GSE1: variants seen among roughly 807,000 people sequenced by gnomAD.
GSE1 encodes genetic suppressor element 1.
A neutral mutation model predicts 112.6 loss-of-function variants in GSE1; 32 were observed. That is an observed-to-expected ratio of 0.28 (90% CI 0.21 to 0.38). GSE1 has a LOEUF of 0.38. GSE1 is among the 10% of genes least tolerant of loss of function. The pLI, the probability that GSE1 is intolerant of heterozygous loss-of-function variation, is 1.00. For synonymous variants in GSE1, 1,115 were observed against 735.6 expected, an observed-to-expected ratio of 1.52 and a Z score of -8.35; for missense variants, 2,348 against 1,699.2, an observed-to-expected ratio of 1.38 and a Z score of -6.71.
chr16:85,235,750 G>GCTCGC (rs377153635), intron 1 of GSE1, among the ~76,000 whole-genome samples: 2,637 of 151,878 alleles, frequency 0.017, 71 homozygotes, highest in African/African-American at 0.06. Flanking sequence ...TGGGGGGCCC[G>GCTCGC]CCCGCCCCAG....
intron 1 of GSE1, among the ~76,000 whole-genome samples, chr16:85,556,783 C>G (rs1469746210): frequency 6.9e-6 from 1 of 145,216 alleles, no homozygotes; most frequent in Non-Finnish European, 1.5e-5. Context: ...GTTTATTTCC[C>G]TCTCCCTCCA....
At chr16:85,403,982 A>C (rs1222490261) in intron 2 of GSE1, among the ~76,000 whole-genome samples, 1 of 150,884 alleles carries the variant, frequency 6.6e-6, no homozygotes, top group Non-Finnish European at 1.5e-5. Context: ...TGCAGCCTTC[A>C]GGGCAGGCAT....
intron 2 of GSE1, among the ~76,000 whole-genome samples, chr16:85,458,550 G>T (rs1203621621): frequency 6.6e-6 from 1 of 152,214 alleles, no homozygotes; most frequent in African/African-American, 2.4e-5. Flanking sequence ...GGGCATGGAG[G>T]CCCAGGGGCC....
intron 1 of GSE1, among the ~76,000 whole-genome samples, chr16:85,216,869 A>T (rs1055620021): frequency 6.6e-6 from 1 of 152,218 alleles, no homozygotes; most frequent in African/African-American, 2.4e-5. Flanking sequence ...GCTTTGAGCA[A>T]TCTACAGAAC....
At chr16:85,577,003 G>A (rs1234734876) in intron 1 of GSE1, among the ~76,000 whole-genome samples, 1 of 152,184 alleles carries the variant, frequency 6.6e-6, no homozygotes, top group East Asian at 1.9e-4. Context: ...ATCACAGTCA[G>A]GACGCTGAGG....
At chr16:85,530,452 C>T (rs1232082773) in intron 2 of GSE1, among the ~76,000 whole-genome samples, 1 of 152,088 alleles carries the variant, frequency 6.6e-6, no homozygotes, top group Non-Finnish European at 1.5e-5. Context: ...GATTTGCAGC[C>T]AGCTCGACAC....
At chr16:85,370,084 G>T (rs2047263335) in intron 2 of GSE1, among the ~76,000 whole-genome samples, 1 of 152,158 alleles carries the variant, frequency 6.6e-6, no homozygotes, top group Non-Finnish European at 1.5e-5. Flanking sequence ...TTGCGGGGCA[G>T]GGGCTGGATA....
chr16:85,346,123 A>G, intron 1 of GSE1, among the ~76,000 whole-genome samples: 1 of 138,654 alleles, frequency 7.2e-6, no homozygotes, highest in African/African-American at 2.6e-5. Context: ...GGATGGATGG[A>G]TGAACAATGG....
chr16:85,468,164 G>C (rs2050177615), intron 2 of GSE1, among the ~76,000 whole-genome samples: 1 of 139,986 alleles, frequency 7.1e-6, no homozygotes, highest in Non-Finnish European at 1.5e-5. Context: ...CTGTACTTGG[G>C]GTTCCTTGAA....
chr16:85,661,012 G>C, intron 8 of GSE1, 134 bp from the exon 9 acceptor site: 1 of 708,608 alleles, frequency 1.4e-6, no homozygotes, highest in South Asian at 2.0e-5. Flanking sequence ...TCCCCTCCCT[G>C]CAGCCCTGTT....
intron 2 of GSE1, among the ~76,000 whole-genome samples, chr16:85,390,823 C>G (rs1250262242): frequency 6.6e-6 from 1 of 151,708 alleles, no homozygotes; most frequent in Admixed American, 6.6e-5. Flanking sequence ...AGAGCTGTCT[C>G]CTTAAGCAAA....
At chr16:85,437,517 G>A (rs1426460068) in intron 2 of GSE1, among the ~76,000 whole-genome samples, 1 of 152,054 alleles carries the variant, frequency 6.6e-6, no homozygotes, top group African/African-American at 2.4e-5. Context: ...TGGGGGAGGA[G>A]GGAGCTACGT....
rs1340767456 is a variant in GSE1 at position 85,633,930 on chromosome 16, C to T, written c.24C>T (p.Pro8=). ...CTGTTTCAGGCATGAGCCATGAGCCCAAGTCCCCTTCGCTAGGGATGCTTT... is the reference window on the plus strand; with the variant it reads ...CTGTTTCAGGCATGAGCCATGAGCCTAAGTCCCCTTCGCTAGGGATGCTTT... MKGMSHE[P]KSPSLGMLST... Residue 8 remains proline, a synonymous_variant, in exon 2 of 16, where the codon CCC becomes CCT. Coordinates refer to ENST00000253458, the MANE Select transcript of GSE1 (RefSeq NM_014615.5). 4 of 1,611,558 alleles carry T rather than the reference C, an allele frequency of 2.5e-6. No individual in the cohort carries two copies. Among genetic ancestry groups the T allele is most frequent in the East Asian group, 2.2e-5 (1 of 44,802 alleles).
chr16:85,636,891 G>T (rs562895372), intron 2 of GSE1, among the ~76,000 whole-genome samples: 1 of 152,206 alleles, frequency 6.6e-6, no homozygotes, highest in East Asian at 1.9e-4. Flanking sequence ...GGATGACAGT[G>T]GGGACATGTG....
At chr16:85,509,101 T>G (rs554848770) in intron 2 of GSE1, among the ~76,000 whole-genome samples, 1 of 152,068 alleles carries the variant, frequency 6.6e-6, no homozygotes, top group Admixed American at 6.5e-5. Context: ...GCTCACCTGG[T>G]GAGGGGCGAG....
chr16:85,608,559 T>G (rs983499625), upstream of GSE1, among the ~76,000 whole-genome samples: 4 of 152,108 alleles, frequency 2.6e-5, no homozygotes, highest in Middle Eastern at 3.2e-3. Flanking sequence ...TTCTTAATAA[T>G]CAGAGTGACC....
intron 1 of GSE1, among the ~76,000 whole-genome samples, chr16:85,623,934 AG>A (rs1289086442): frequency 1.3e-5 from 2 of 152,176 alleles, no homozygotes; most frequent in Non-Finnish European, 2.9e-5. Context: ...CCCTGTAGAT[AG>A]GTACTGGCAC....
rs573665609 is a variant in GSE1 at position 85,362,875 on chromosome 16, G to A, written c.2464+5232G>A. Among the ~76,000 whole-genome samples, 101 of 130,788 alleles carry A rather than the reference G, an allele frequency of 7.7e-4. No individual in the cohort carries two copies. In the Middle Eastern group the frequency reaches 0.022, roughly 28 times the overall value. 85.8% of individuals were successfully genotyped at this position (130,788 alleles called of 152,430 possible). On this transcript the variant is annotated intron_variant, in intron 2 of 2. Coordinates refer to the GSE1 transcript ENST00000637419. Reference sequence around the variant, plus strand: ...TTTTGAGATGAGGTCTCACTCTGTCGCCCAAGCTGGAGTGCAGTGACATGA... The same window carrying A: ...TTTTGAGATGAGGTCTCACTCTGTCACCCAAGCTGGAGTGCAGTGACATGA...
intron 1 of GSE1, among the ~76,000 whole-genome samples, chr16:85,580,878 G>A (rs1367292140): frequency 6.6e-6 from 1 of 152,246 alleles, no homozygotes; most frequent in Admixed American, 6.5e-5. Flanking sequence ...AATCAACCCT[G>A]CCAGCACCTT....
Sources: allele counts gnomAD v4.1 joint callset (sites outside exome capture counted in the v4.1 genomes callset), GRCh38; gene constraint gnomAD v4.1.1; transcripts MANE v1.5; gene names NCBI Gene and HGNC (gene_info 2026-07-23, HGNC 2026-07-21).